Variants in MGAT4C observed in about 807,000 individuals in gnomAD.
MGAT4C encodes MGAT4 family member C.
MGAT4C carries 19 observed loss-of-function variants against 40.1 expected under a neutral mutation model. That is an observed-to-expected ratio of 0.47 (90% CI 0.33 to 0.70). MGAT4C has a LOEUF of 0.70. Among genes scored for constraint, MGAT4C ranks in the 30% least tolerant of loss-of-function variants. MGAT4C has a pLI of 0.02. For synonymous variants in MGAT4C, 181 were observed against 187.1 expected (o/e 0.97, Z 0.27); for missense variants, 491 against 563.2 (o/e 0.87, Z 1.30).
rs1952763135 is a variant in MGAT4C, at chr12:86,265,472, TAA to T, written c.-57+68591_-57+68592del. The stretch of plus-strand genomic sequence containing the variant: ...TACTTTGTCAAATACCAGTTGGCTA[TAA>T]GTATGTGACTTTATTTCCGGGTTCT... On this transcript the variant is annotated intron_variant, in intron 4 of 7. Coordinates refer to the MGAT4C transcript ENST00000548651. Among the ~76,000 whole-genome samples the T allele has an allele frequency of 3.3e-5, 5 of 152,358 alleles. No homozygotes were observed. In the South Asian group the frequency reaches 1.0e-3, roughly 32 times the overall value.
At chr12:86,622,896 T>C (rs987097916) in intron 2 of MGAT4C, among the ~76,000 whole-genome samples, 1 of 151,986 alleles carries the variant, frequency 6.6e-6, no homozygotes, top group Non-Finnish European at 1.5e-5. Flanking sequence ...TTTCACTTCA[T>C]CAAAAACTGA....
At chr12:86,188,942 T>C (rs899643236) in intron 1 of MGAT4C, among the ~76,000 whole-genome samples, 10 of 152,006 alleles carry the variant, frequency 6.6e-5, no homozygotes, top group African/African-American at 2.4e-4. Flanking sequence ...AAGTCAATCA[T>C]AAAGCATATG....
chr12:86,263,167 A>G (rs1390575850), intron 4 of MGAT4C, among the ~76,000 whole-genome samples: 1 of 152,110 alleles, frequency 6.6e-6, no homozygotes, highest in Non-Finnish European at 1.5e-5. Flanking sequence ...GGAAGAGCCA[A>G]ACAAATATTC....
chr12:86,251,221 A>T (rs1299237823), intron 1 of MGAT4C, among the ~76,000 whole-genome samples: 1 of 151,376 alleles, frequency 6.6e-6, no homozygotes, highest in Non-Finnish European at 1.5e-5. Context: ...CCAGACTTTT[A>T]AAAATATTAA....
chr12:86,662,035 C>T (rs963250730), intron 2 of MGAT4C, among the ~76,000 whole-genome samples: 2 of 152,156 alleles, frequency 1.3e-5, no homozygotes, highest in African/African-American at 4.8e-5. Context: ...CCACATTGGA[C>T]TAACCTACCC....
At chr12:86,493,348 G>A (rs573392444) in intron 2 of MGAT4C, among the ~76,000 whole-genome samples, 3 of 152,044 alleles carry the variant, frequency 2.0e-5, no homozygotes, top group Non-Finnish European at 4.4e-5. Flanking sequence ...ACATGAACAC[G>A]TATGTTTATT....
intron 1 of MGAT4C, among the ~76,000 whole-genome samples, chr12:86,210,827 A>G (rs1384515446): frequency 6.6e-6 from 1 of 152,158 alleles, no homozygotes; most frequent in African/African-American, 2.4e-5. Flanking sequence ...TCAGGATAAT[A>G]GTGTTAAACC....
chr12:86,456,286 TA>T (rs529541426), intron 2 of MGAT4C, among the ~76,000 whole-genome samples: 1 of 151,930 alleles, frequency 6.6e-6, no homozygotes, highest in African/African-American at 2.4e-5. Flanking sequence ...TAAAATCTGA[TA>T]AAAAAAATTT....
chr12:86,019,962 G>A (rs990238284), intron 2 of MGAT4C, among the ~76,000 whole-genome samples: 2 of 152,088 alleles, frequency 1.3e-5, no homozygotes, highest in African/African-American at 4.8e-5. Flanking sequence ...AATTGTGAAT[G>A]GGAGTTCACT....
chr12:85,988,650 A>T (rs1229928108), intron 3 of MGAT4C, among the ~76,000 whole-genome samples: 1 of 152,036 alleles, frequency 6.6e-6, no homozygotes, highest in East Asian at 1.9e-4. Flanking sequence ...TAATGTCTGT[A>T]TTAATCTCAT....
chr12:86,603,203 A>G (rs1433416585), intron 2 of MGAT4C, among the ~76,000 whole-genome samples: 1 of 145,300 alleles, frequency 6.9e-6, no homozygotes, highest in African/African-American at 2.5e-5. Flanking sequence ...TCTATATAGA[A>G]TAATACTATA....
intron 1 of MGAT4C, among the ~76,000 whole-genome samples, chr12:86,784,653 T>C (rs1429555330): frequency 6.7e-6 from 1 of 150,112 alleles, no homozygotes; most frequent in Non-Finnish European, 1.5e-5. Context: ...TGAATGAATA[T>C]CTCAGTAGGT....
intron 2 of MGAT4C, among the ~76,000 whole-genome samples, chr12:86,508,206 C>G (rs1454509223): frequency 6.6e-6 from 1 of 152,060 alleles, no homozygotes; most frequent in Non-Finnish European, 1.5e-5. Flanking sequence ...TATCCCTCCC[C>G]CCTTCCCCCA....
intron 2 of MGAT4C, among the ~76,000 whole-genome samples, chr12:86,474,616 G>A (rs1318742003): frequency 6.6e-6 from 1 of 151,918 alleles, no homozygotes; most frequent in Non-Finnish European, 1.5e-5. Context: ...CTTACATCTG[G>A]GGAGGTTAAA....
chr12:86,464,196 G>A (rs1161260487), intron 2 of MGAT4C, among the ~76,000 whole-genome samples: 1 of 152,100 alleles, frequency 6.6e-6, no homozygotes, highest in Non-Finnish European at 1.5e-5. Flanking sequence ...AGTTTACTGG[G>A]TAATTTGGAG....
intron 2 of MGAT4C, among the ~76,000 whole-genome samples, chr12:86,669,372 C>A (rs1044606236): frequency 1.3e-5 from 2 of 152,160 alleles, no homozygotes; most frequent in African/African-American, 4.8e-5. Flanking sequence ...ATTCAGAGCA[C>A]CTGTTTGCCT....
intron 2 of MGAT4C, chr12:86,015,576 G>GT (rs978040643): frequency 1.3e-5 from 2 of 152,246 alleles, no homozygotes; most frequent in Admixed American, 1.3e-4. Flanking sequence ...TGCCACCACA[G>GT]TAAGTCTGGG....
chr12:86,804,455 A>G (rs1288607950), intron 1 of MGAT4C, among the ~76,000 whole-genome samples: 1 of 132,796 alleles, frequency 7.5e-6, no homozygotes, highest in African/African-American at 2.5e-5. Flanking sequence ...TAAAGAAAGA[A>G]AGAAGAAAAA....
chr12:86,774,311 CT>C (rs1257192871), intron 1 of MGAT4C, among the ~76,000 whole-genome samples: 9 of 40,126 alleles, frequency 2.2e-4, no homozygotes, highest in African/African-American at 5.7e-4. Context: ...TTCTTTCTTT[CT>C]TTCTTTCTTT....
Sources: gnomAD v4.1 joint callset for allele counts (sites outside exome capture counted in the v4.1 genomes callset) on GRCh38, gnomAD v4.1.1 for gene constraint, MANE v1.5 for transcripts, NCBI Gene and HGNC (gene_info 2026-07-23, HGNC 2026-07-21) for gene names.